SCN10A: variants seen among roughly 807,000 people sequenced by gnomAD.
SCN10A encodes sodium voltage-gated channel alpha subunit 10, also known as sodium channel protein type 10 subunit alpha.
A neutral mutation model predicts 170.7 loss-of-function variants in SCN10A; 162 were observed. The observed-to-expected ratio is 0.95, with a 90% CI of 0.84 to 1.08. The LOEUF (loss-of-function observed/expected upper bound fraction) is 1.08, where lower values mean the gene tolerates loss of function less well. SCN10A is among the 50% of genes least tolerant of loss of function. SCN10A has a pLI of 0.00. For synonymous variants in SCN10A, 985 were observed against 904.6 expected, an observed-to-expected ratio of 1.09 and a Z score of -1.59; for missense variants, 2,527 against 2,436.9, an observed-to-expected ratio of 1.04 and a Z score of -0.78.
At chr3:38,717,327 G>A (rs947204239) in intron 21 of SCN10A, among the ~76,000 whole-genome samples, 1 of 152,220 alleles carries the variant, frequency 6.6e-6, no homozygotes, top group Non-Finnish European at 1.5e-5. Context: ...TGGATGGTTG[G>A]AAGGAAGAAT....
At chr3:38,744,319 T>A (rs896850207) in intron 13 of SCN10A, among the ~76,000 whole-genome samples, 10 of 151,990 alleles carry the variant, frequency 6.6e-5, no homozygotes, top group Non-Finnish European at 1.5e-4. Flanking sequence ...GTGTTTAGGG[T>A]TTTTTTTACT....
chr3:38,729,043 T>G, intron 15 of SCN10A, 142 bp from the exon 16 acceptor site: 1 of 976,622 alleles, frequency 1.0e-6, no homozygotes, highest in African/African-American at 1.6e-5. Flanking sequence ...ACACTGCTTT[T>G]GGAGACCTTT....
intron 13 of SCN10A, among the ~76,000 whole-genome samples, chr3:38,743,820 C>T: frequency 6.6e-6 from 1 of 152,118 alleles, no homozygotes; most frequent in East Asian, 1.9e-4. Flanking sequence ...CCCTAAAAAA[C>T]CATCTCTATG....
chr3:38,746,681 C>T (rs750674693), intron 13 of SCN10A, among the ~76,000 whole-genome samples: 59 of 152,152 alleles, frequency 3.9e-4, no homozygotes, highest in Non-Finnish European at 6.8e-4. Flanking sequence ...CTACATTAGG[C>T]TTTTTCATTC....
chr3:38,763,057 T>G (rs1333059855), intron 6 of SCN10A, among the ~76,000 whole-genome samples: 1 of 152,192 alleles, frequency 6.6e-6, no homozygotes. Flanking sequence ...TGCCTAATTC[T>G]TTTTTCCTCT....
intron 15 of SCN10A, among the ~76,000 whole-genome samples, chr3:38,731,382 A>G (rs2063511946): frequency 1.3e-5 from 2 of 152,206 alleles, no homozygotes; most frequent in Non-Finnish European, 1.5e-5. Flanking sequence ...AGTAATATGT[A>G]ATGTGTAATA....
intron 20 of SCN10A, among the ~76,000 whole-genome samples, chr3:38,721,122 A>G (rs895734042): frequency 1.3e-5 from 2 of 152,100 alleles, no homozygotes; most frequent in Non-Finnish European, 2.9e-5. Context: ...CTCGTCCCGC[A>G]CCTGTGCTCC....
chr3:38,709,679 G>A (rs2125987968), intron 24 of SCN10A, 64 bp from the exon 25 acceptor site: 1 of 1,436,434 alleles, frequency 7.0e-7, no homozygotes, highest in Non-Finnish European at 9.3e-7. Context: ...CACTCTGAAA[G>A]CCAAGCCTAA....
intron 15 of SCN10A, among the ~76,000 whole-genome samples, chr3:38,733,203 C>G (rs2063528199): frequency 6.6e-6 from 1 of 152,034 alleles, no homozygotes; most frequent in African/African-American, 2.4e-5. Context: ...ACTGTTTAAA[C>G]CTTAAAACAA....
At chr3:38,723,400 G>A (rs766913758) in intron 19 of SCN10A, 30 bp downstream of exon 19, 38 of 1,613,408 alleles carry the variant, frequency 2.4e-5, no homozygotes, top group Admixed American at 1.8e-4. Context: ...ATTAACATCA[G>A]TGTGAGGGGG....
chr3:38,707,959 C>T (rs919191494), intron 25 of SCN10A, among the ~76,000 whole-genome samples: 2 of 152,156 alleles, frequency 1.3e-5, no homozygotes, highest in Non-Finnish European at 2.9e-5. Flanking sequence ...AGAAACTGCA[C>T]CAACGAAGAT....
intron 4 of SCN10A, among the ~76,000 whole-genome samples, chr3:38,786,855 G>A (rs1375537643): frequency 1.3e-5 from 2 of 152,110 alleles, no homozygotes; most frequent in East Asian, 3.8e-4. Flanking sequence ...TTTATGGACT[G>A]TCTATGCTGT....
rs759989589 is a variant in SCN10A at position 38,771,386 on chromosome 3, G to A, written c.492C>T (p.Tyr164=). 5 of 1,614,074 alleles carry A rather than the reference G, an allele frequency of 3.1e-6. No individual in the cohort carries two copies. The highest frequency in any genetic ancestry group is 3.4e-6 in the Non-Finnish European group (4 of 1,179,954). ...GTATCTTTATCAAGGCTTCAAAGGT[G>A]TAAATGACAGTGAAGACATATCTGG... is the stretch of plus-strand genomic sequence containing the variant. ...EKIEYVFTVI[Y]TFEALIKILA... Residue 164 remains tyrosine, a synonymous_variant, in exon 5 of 28, where the codon TAC becomes TAT. Transcript: ENST00000449082.
intron 21 of SCN10A, among the ~76,000 whole-genome samples, chr3:38,717,032 G>A (rs1392904152): frequency 2.6e-5 from 4 of 152,194 alleles, no homozygotes; most frequent in Admixed American, 6.5e-5. Flanking sequence ...TGGAAGATGC[G>A]TGAATGAGTG....
intron 26 of SCN10A, 60 bp downstream of exon 26, chr3:38,707,219 C>T (rs890028585): frequency 2.6e-6 from 4 of 1,567,736 alleles, no homozygotes; most frequent in Non-Finnish European, 3.5e-6. Context: ...CTGACACAGG[C>T]ATAGACTGTC....
At chr3:38,703,727 C>T (rs2063181334) in intron 26 of SCN10A, among the ~76,000 whole-genome samples, 1 of 152,210 alleles carries the variant, frequency 6.6e-6, no homozygotes, top group Non-Finnish European at 1.5e-5. Context: ...CTTCGAGGCT[C>T]AGTCTTGAGC....
At chr3:38,798,145 A>C (rs2064350797) in intron 1 of SCN10A, among the ~76,000 whole-genome samples, 1 of 152,214 alleles carries the variant, frequency 6.6e-6, no homozygotes, top group African/African-American at 2.4e-5. Context: ...ATGTCATAGA[A>C]GAGAGGAAAA....
At chr3:38,705,749 A>C (rs1468613864) in intron 26 of SCN10A, among the ~76,000 whole-genome samples, 1 of 152,058 alleles carries the variant, frequency 6.6e-6, no homozygotes, top group East Asian at 1.9e-4. Context: ...TGTTTTTGCC[A>C]AGGGTTGTCC....
chr3:38,742,223 G>T, intron 14 of SCN10A, 68 bp downstream of exon 14: 4 of 1,049,712 alleles, frequency 3.8e-6, no homozygotes, highest in Non-Finnish European at 5.8e-6. Context: ...CACCCGAACT[G>T]CACCCTGCCA....
Sources: gnomAD v4.1 joint callset for allele counts (sites outside exome capture counted in the v4.1 genomes callset) on GRCh38, gnomAD v4.1.1 for gene constraint, MANE v1.5 for transcripts, NCBI Gene and HGNC (gene_info 2026-07-23, HGNC 2026-07-21) for gene names.